NCF2: variants seen among roughly 807,000 people sequenced by gnomAD.
NCF2 encodes neutrophil cytosolic factor 2, also known as neutrophil cytosol factor 2.
A neutral mutation model predicts 70.9 loss-of-function variants in NCF2; 45 were observed. That is an observed-to-expected ratio of 0.63 (90% CI 0.50 to 0.81). The LOEUF (loss-of-function observed/expected upper bound fraction) is 0.81, where lower values mean the gene tolerates loss of function less well. Among genes scored for constraint, NCF2 ranks in the 40% least tolerant of loss-of-function variants. The pLI is 0.00. For synonymous variants in NCF2, 203 were observed against 233.6 expected, an observed-to-expected ratio of 0.87 and a Z score of 1.19; for missense variants, 522 against 631.6, an observed-to-expected ratio of 0.83 and a Z score of 1.86.
upstream of NCF2, among the ~76,000 whole-genome samples, chr1:183,591,893 C>T (rs980339798): frequency 6.6e-6 from 1 of 152,182 alleles, no homozygotes; most frequent in Non-Finnish European, 1.5e-5. Context: ...TCCCATCTTC[C>T]AGTGAAAAAT....
chr1:183,569,749 C>T (rs910415271), intron 6 of NCF2, among the ~76,000 whole-genome samples: 1 of 152,174 alleles, frequency 6.6e-6, no homozygotes, highest in Non-Finnish European at 1.5e-5. Context: ...CCACCACACC[C>T]TGCTAATTTT....
intron 3 of NCF2, among the ~76,000 whole-genome samples, chr1:183,576,776 AC>A (rs1175635049): frequency 1.3e-5 from 2 of 152,112 alleles, no homozygotes; most frequent in Non-Finnish European, 2.9e-5. Context: ...GCCCTGAGCG[AC>A]CCTGGGAACA....
intron 7 of NCF2, 76 bp downstream of exon 7, chr1:183,569,066 T>C: frequency 7.0e-7 from 1 of 1,421,022 alleles, no homozygotes. Context: ...CACCTTCATC[T>C]TCTTCCCTCC....
chr1:183,588,896 C>T (rs944880170), intron 1 of NCF2, among the ~76,000 whole-genome samples: 3 of 152,192 alleles, frequency 2.0e-5, no homozygotes, highest in African/African-American at 7.2e-5. Flanking sequence ...GGCTACAGTC[C>T]CTGCTGGCAT....
At chr1:183,564,155 G>T in intron 10 of NCF2, 125 bp from the exon 11 acceptor site, 1 of 958,488 alleles carries the variant, frequency 1.0e-6, no homozygotes, top group Non-Finnish European at 1.7e-6. Context: ...TTTAATTTGT[G>T]GGGCAATTAT....
intron 2 of NCF2, among the ~76,000 whole-genome samples, chr1:183,579,851 C>T (rs1265095173): frequency 6.6e-6 from 1 of 151,672 alleles, no homozygotes; most frequent in Non-Finnish European, 1.5e-5. Context: ...GTGCCTGGCA[C>T]ACACCATAAT....
At chr1:183,579,688 G>C (rs112296964) in intron 2 of NCF2, among the ~76,000 whole-genome samples, 2,803 of 130,922 alleles carry the variant, frequency 0.021, 95 homozygotes, top group African/African-American at 0.076. Context: ...GCAGTGAGCA[G>C]AGATCACACC....
chr1:183,568,940 C>T (rs751323633), intron 7 of NCF2, among the ~76,000 whole-genome samples: 8 of 152,152 alleles, frequency 5.3e-5, no homozygotes, highest in Non-Finnish European at 1.0e-4. Context: ...CCCATCATAT[C>T]ATTCCTTTCT....
chr1:183,585,371 A>G (rs1015238805), intron 2 of NCF2, among the ~76,000 whole-genome samples: 1 of 152,132 alleles, frequency 6.6e-6, no homozygotes, highest in Non-Finnish European at 1.5e-5. Context: ...CATGCCTGTA[A>G]TCCCAGTACT....
upstream of NCF2, among the ~76,000 whole-genome samples, chr1:183,591,842 A>G (rs182190053): frequency 1.7e-4 from 26 of 152,288 alleles, no homozygotes; most frequent in Non-Finnish European, 3.4e-4. Flanking sequence ...TTTCCTGCAA[A>G]TGTCAAAATT....
chr1:183,570,328 C>T (rs1269234341), intron 6 of NCF2, among the ~76,000 whole-genome samples: 5 of 152,236 alleles, frequency 3.3e-5, no homozygotes, highest in South Asian at 2.1e-4. Flanking sequence ...CCTGTGTTCC[C>T]GAAGGAAACC....
chr1:183,577,761 A>G, intron 2 of NCF2, 54 bp from the exon 3 acceptor site: 1 of 1,271,230 alleles, frequency 7.9e-7, no homozygotes, highest in South Asian at 1.2e-5. Flanking sequence ...AAATAAATGC[A>G]GCATAAAATG....
chr1:183,563,264 T>C lies in NCF2; in HGVS notation c.1221A>G (p.Glu407=). 6.2e-7 allele frequency: 1 copy of C among 1,614,182 alleles called. No individual in the cohort carries two copies. The highest frequency in any genetic ancestry group is 8.5e-7 in the Non-Finnish European group (1 of 1,180,030). The change falls in exon 13 of 15, where the codon GAA becomes GAG. Residue 407 remains glutamate (E), a synonymous_variant. Transcript: ENST00000367535. ...GGCCCCAGGCATCCTTCATGCTGTC[T>C]TCTGAAAGGGGCACCAGCTCATTGC... The part of the protein sequence containing the change: ...RDSNELVPLS[E]DSMKDAWGQV...
rs1435954724 is a variant in NCF2, at chr1:183,588,005, C to T, written c.175-1028G>A. ...GATAGAAGCTTTGAGCCAGTAGACA[C>T]TATGTTACTAAATCAGTACTTTAAA... is the stretch of plus-strand genomic sequence containing the variant. On this transcript the variant is annotated intron_variant, in intron 1 of 14. Coordinates refer to ENST00000367535, the MANE Select transcript of NCF2 (RefSeq NM_000433.4). 7.2e-5 allele frequency among the ~76,000 whole-genome samples: 11 copies of T among 152,262 alleles called. 1 individual carries two copies. The South Asian group carries it at 8.3e-4, about 11-fold the overall frequency.
At chr1:183,572,641 T>C (rs1672620298) in intron 5 of NCF2, among the ~76,000 whole-genome samples, 1 of 152,162 alleles carries the variant, frequency 6.6e-6, no homozygotes, top group South Asian at 2.1e-4. Flanking sequence ...TCTCTTCATA[T>C]TTATTTTTAT....
chr1:183,582,625 G>A (rs3845466), intron 2 of NCF2, among the ~76,000 whole-genome samples: 22,993 of 152,274 alleles, frequency 0.15, 2,281 homozygotes, highest in African/African-American at 0.28. Context: ...AAAACTTCAG[G>A]CATCTTTGGG....
intron 6 of NCF2, among the ~76,000 whole-genome samples, chr1:183,570,534 G>A (rs562576624): frequency 1.1e-4 from 16 of 152,332 alleles, no homozygotes; most frequent in Admixed American, 6.5e-4. Flanking sequence ...TGTGAAGACC[G>A]GCATTTGTGG....
At chr1:183,575,284 A>G (rs1006058729) in intron 3 of NCF2, among the ~76,000 whole-genome samples, 2 of 152,264 alleles carry the variant, frequency 1.3e-5, no homozygotes, top group Non-Finnish European at 2.9e-5. Context: ...AGCCTGGCCA[A>G]CATGGAGAAA....
chr1:183,566,722 A>G (rs992303162), intron 9 of NCF2, among the ~76,000 whole-genome samples, 198 bp downstream of exon 9: 1 of 152,208 alleles, frequency 6.6e-6, no homozygotes, highest in Non-Finnish European at 1.5e-5. Flanking sequence ...GATGCCTCCA[A>G]CTTAGCACAT....
Sources: allele counts gnomAD v4.1 joint callset (sites outside exome capture counted in the v4.1 genomes callset), GRCh38; gene constraint gnomAD v4.1.1; transcripts MANE v1.5; gene names NCBI Gene and HGNC (gene_info 2026-07-23, HGNC 2026-07-21).